Variants in LRRC7 observed in about 807,000 individuals in gnomAD.
The protein encoded by LRRC7 is leucine rich repeat containing 7, also known as leucine-rich repeat-containing protein 7.
Under a neutral mutation model 175.7 loss-of-function variants are expected in LRRC7, and 23 were observed. The ratio of observed to expected loss-of-function variants is 0.13; its 90% CI spans 0.09 to 0.19. LRRC7 has a LOEUF of 0.19. Ranked by LOEUF, LRRC7 falls within the 10% of genes least tolerant of loss-of-function variation. The pLI is 1.00. For missense variants in LRRC7, 1,354 were observed against 1,904.7 expected, an observed-to-expected ratio of 0.71 and a Z score of 5.38; for synonymous variants, 685 against 680.9, an observed-to-expected ratio of 1.01 and a Z score of -0.09.
chr1:69,640,406 A>G (rs1247753248), intron 1 of LRRC7, among the ~76,000 whole-genome samples: 1 of 151,716 alleles, frequency 6.6e-6, no homozygotes, highest in Non-Finnish European at 1.5e-5. Flanking sequence ...TTTGACTTGT[A>G]TAATAGTGAG....
At chr1:69,924,927 G>A (rs547684694) in intron 7 of LRRC7, among the ~76,000 whole-genome samples, 1 of 152,272 alleles carries the variant, frequency 6.6e-6, no homozygotes, top group Admixed American at 6.5e-5. Context: ...TATGGTATTG[G>A]CTGTGGGTTT....
At chr1:70,078,924 T>C (rs1663013295) in intron 24 of LRRC7, among the ~76,000 whole-genome samples, 1 of 151,950 alleles carries the variant, frequency 6.6e-6, no homozygotes, top group African/African-American at 2.4e-5. Flanking sequence ...AGAATTCAAA[T>C]ATTTGAAGAA....
At chr1:69,886,737 A>AT (rs973828404) in intron 7 of LRRC7, among the ~76,000 whole-genome samples, 1 of 149,942 alleles carries the variant, frequency 6.7e-6, no homozygotes, top group African/African-American at 2.5e-5. Context: ...TTTTGGCATG[A>AT]TTTTGCAGCG....
At chr1:70,102,492 G>A (rs1664869038) in intron 25 of LRRC7, among the ~76,000 whole-genome samples, 1 of 152,160 alleles carries the variant, frequency 6.6e-6, no homozygotes, top group Non-Finnish European at 1.5e-5. Flanking sequence ...GGCTTTGCTG[G>A]ATTAAAGACC....
In LRRC7 at chr1:69,568,527, C is replaced by G. The variant is rs1646414488; in HGVS notation, c.-113C>G. The G allele has an allele frequency of 9.6e-7, 1 of 1,038,322 alleles. No homozygotes were observed. The highest frequency in any genetic ancestry group is 1.3e-6 in the Non-Finnish European group (1 of 761,198). The allele number at this position is 1,038,322 out of a possible 1,614,324, so 64.3% of individuals were successfully genotyped here. Reference sequence around the variant, plus strand: ...TCTACTCCTTCCCTCCTCTTCTCCTCCGAAGACCCTGGCGCCCACTCCACT... The same window carrying G: ...TCTACTCCTTCCCTCCTCTTCTCCTGCGAAGACCCTGGCGCCCACTCCACT... On this transcript the variant is annotated 5_prime_UTR_variant, in exon 1 of 27. Transcript: ENST00000651989.
chr1:69,926,083 TG>T (rs1164277364), intron 7 of LRRC7, among the ~76,000 whole-genome samples: 2 of 151,938 alleles, frequency 1.3e-5, no homozygotes, highest in African/African-American at 4.8e-5. Context: ...AGGAGCAGGT[TG>T]TTCAGTTTCC....
chr1:69,617,667 C>A (rs933568794), intron 1 of LRRC7, among the ~76,000 whole-genome samples: 1 of 151,216 alleles, frequency 6.6e-6, no homozygotes, highest in Non-Finnish European at 1.5e-5. Flanking sequence ...TTACGGTAGT[C>A]GGTTAGTATA....
chr1:69,575,962 G>A (rs181021129), intron 1 of LRRC7, among the ~76,000 whole-genome samples: 43 of 152,196 alleles, frequency 2.8e-4, no homozygotes, highest in Admixed American at 5.2e-4. Flanking sequence ...GTTACATTTT[G>A]GGCTGGGTGA....
At chr1:70,045,949 C>A (rs1660295681) in intron 22 of LRRC7, among the ~76,000 whole-genome samples, 1 of 152,056 alleles carries the variant, frequency 6.6e-6, no homozygotes, top group Non-Finnish European at 1.5e-5. Flanking sequence ...ACCCTTGACA[C>A]ATATGGATTA....
At chr1:69,725,402 C>T (rs1666842422) in intron 2 of LRRC7, among the ~76,000 whole-genome samples, 1 of 152,102 alleles carries the variant, frequency 6.6e-6, no homozygotes, top group African/African-American at 2.4e-5. Flanking sequence ...AAGTTCATAT[C>T]CTACTGAAAG....
At chr1:69,753,314 G>GTC (rs1670051450) in intron 2 of LRRC7, among the ~76,000 whole-genome samples, 1 of 151,462 alleles carries the variant, frequency 6.6e-6, no homozygotes. Flanking sequence ...GTGTGTGTGT[G>GTC]TGTGTGTGTG....
intron 4 of LRRC7, among the ~76,000 whole-genome samples, chr1:69,814,068 A>G (rs1678291004): frequency 1.3e-5 from 2 of 152,222 alleles, no homozygotes; most frequent in African/African-American, 2.4e-5. Flanking sequence ...AATTGAAAAC[A>G]GTTGTTTCTG....
intron 15 of LRRC7, among the ~76,000 whole-genome samples, 194 bp downstream of exon 15, chr1:70,019,012 CA>C: frequency 6.6e-6 from 1 of 151,842 alleles, no homozygotes; most frequent in Non-Finnish European, 1.5e-5. Flanking sequence ...GATAAGCTTC[CA>C]AAACAAAACT....
rs1475475942 is a variant in LRRC7, at chr1:70,128,763, AGTTCCACATCAAAGACAGTAC to A, written c.*6877_*6897del. The A allele has an allele frequency of 6.6e-6, 1 of 152,260 alleles. No individual in the cohort carries two copies. The highest frequency in any genetic ancestry group is 2.4e-5 in the African/African-American group (1 of 41,460). 9.4% of individuals were successfully genotyped at this position (152,260 alleles called of 1,614,324 possible). ...CACAGTCCAGAGGAAAGATGAGAGA[AGTTCCACATCAAAGACAGTAC>A]AAGGCAATGTGGTGAGTCCCTTTAT... On this transcript the variant is annotated 3_prime_UTR_variant, in exon 27 of 27. Coordinates refer to ENST00000651989, the MANE Select transcript of LRRC7 (RefSeq NM_001370785.2).
At position 70,021,693 on chromosome 1, in the gene LRRC7, A is replaced by C. The variant is rs1278462051; in HGVS notation, c.1545+564A>C. ...GATGTTCCTTAGGGAACATAACTTCAATTTTTTTTACCTCAAAGTATGTTT... is the reference window on the plus strand; with the variant it reads ...GATGTTCCTTAGGGAACATAACTTCCATTTTTTTTACCTCAAAGTATGTTT... On this transcript the variant is annotated intron_variant, in intron 16 of 26. Transcript: ENST00000651989. Among the ~76,000 whole-genome samples the C allele has an allele frequency of 2.6e-5, 4 of 152,170 alleles. No individual in the cohort carries two copies. In the East Asian group the frequency reaches 7.7e-4, roughly 29 times the overall value.
chr1:69,627,994 C>A (rs1391276796), intron 1 of LRRC7, among the ~76,000 whole-genome samples: 2 of 151,914 alleles, frequency 1.3e-5, no homozygotes, highest in Admixed American at 1.3e-4. Flanking sequence ...TTGGTATATG[C>A]CTCTTTTCAC....
chr1:70,018,843 C>T, intron 15 of LRRC7, 25 bp downstream of exon 15: 1 of 1,536,040 alleles, frequency 6.5e-7, no homozygotes, highest in Non-Finnish European at 9.0e-7. Context: ...GAAATTTCTT[C>T]TCTACTTATA....
At chr1:69,864,303 G>C (rs1361710193) in intron 7 of LRRC7, among the ~76,000 whole-genome samples, 1 of 152,118 alleles carries the variant, frequency 6.6e-6, no homozygotes, top group Non-Finnish European at 1.5e-5. Context: ...CCATTGCCTA[G>C]AGCAGTAGCA....
intron 26 of LRRC7, among the ~76,000 whole-genome samples, chr1:70,118,349 A>T (rs146664889): frequency 5.9e-5 from 9 of 152,264 alleles, no homozygotes; most frequent in African/African-American, 1.9e-4. Flanking sequence ...ACTCAAAAAA[A>T]AAAAATGGAG....
Sources: gnomAD v4.1 joint callset for allele counts (sites outside exome capture counted in the v4.1 genomes callset) on GRCh38, gnomAD v4.1.1 for gene constraint, MANE v1.5 for transcripts, NCBI Gene and HGNC (gene_info 2026-07-23, HGNC 2026-07-21) for gene names.